PTPRN2: variants seen among roughly 807,000 people sequenced by gnomAD.
PTPRN2 encodes receptor-type tyrosine-protein phosphatase N2.
PTPRN2 carries 74 observed loss-of-function variants against 118.8 expected under a neutral mutation model. The observed-to-expected ratio is 0.62, with a 90% CI of 0.52 to 0.76. The LOEUF is 0.76. Ranked by LOEUF, PTPRN2 falls within the 30% of genes least tolerant of loss-of-function variation. The pLI is 0.00. For synonymous variants in PTPRN2, 641 were observed against 608.0 expected (o/e 1.05, Z -0.80); for missense variants, 1,481 against 1,394.4 (o/e 1.06, Z -0.99).
At chr7:157,704,206 T>C (rs532967835) in intron 12 of PTPRN2, among the ~76,000 whole-genome samples, 2 of 152,296 alleles carry the variant, frequency 1.3e-5, no homozygotes, top group East Asian at 3.9e-4. Context: ...TCAGTTTCTC[T>C]CCCTGAAAAT....
intron 11 of PTPRN2, among the ~76,000 whole-genome samples, chr7:157,922,253 G>A (rs1039031221): frequency 6.6e-6 from 1 of 152,124 alleles, no homozygotes; most frequent in South Asian, 2.1e-4. Context: ...ATCTTCATAC[G>A]GGATTTTTGG....
chr7:158,428,630 C>G (rs987953576), intron 2 of PTPRN2, among the ~76,000 whole-genome samples: 3 of 152,126 alleles, frequency 2.0e-5, no homozygotes, highest in Admixed American at 6.5e-5. Context: ...AGGTATCTGT[C>G]ACAGAGTCAC....
intron 12 of PTPRN2, among the ~76,000 whole-genome samples, chr7:157,841,252 C>T (rs1029456946): frequency 7.2e-5 from 11 of 152,340 alleles, no homozygotes; most frequent in South Asian, 6.2e-4. Flanking sequence ...GCTTCTTCAC[C>T]GCCTTCACTC....
At chr7:157,791,346 C>T (rs1804476608) in intron 12 of PTPRN2, among the ~76,000 whole-genome samples, 1 of 152,070 alleles carries the variant, frequency 6.6e-6, no homozygotes, top group African/African-American at 2.4e-5. Context: ...GAACAAAATT[C>T]AACAAGAAAT....
intron 11 of PTPRN2, among the ~76,000 whole-genome samples, chr7:158,054,164 C>T (rs748155829): frequency 8.1e-4 from 123 of 152,216 alleles, no homozygotes; most frequent in Non-Finnish European, 1.3e-3. Context: ...AAGTCACTGA[C>T]ACACAGGTTT....
At chr7:158,370,084 G>A (rs139429950) in intron 2 of PTPRN2, among the ~76,000 whole-genome samples, 1 of 152,170 alleles carries the variant, frequency 6.6e-6, no homozygotes, top group Admixed American at 6.6e-5. Context: ...CAACACTGCA[G>A]GAGAAACTGG....
intron 12 of PTPRN2, among the ~76,000 whole-genome samples, chr7:157,751,312 C>T (rs991356395): frequency 6.6e-5 from 10 of 152,162 alleles, no homozygotes; most frequent in Admixed American, 4.6e-4. Context: ...ATGGGGTCAG[C>T]GAGGGAGAGC....
intron 2 of PTPRN2, among the ~76,000 whole-genome samples, chr7:158,488,162 A>G (rs1586784671): frequency 6.6e-6 from 1 of 152,094 alleles, no homozygotes; most frequent in African/African-American, 2.4e-5. Context: ...TTCCATTATC[A>G]TCAAAAGCTG....
At chr7:158,125,456 GT>G (rs1232234755) in intron 9 of PTPRN2, among the ~76,000 whole-genome samples, 1 of 152,206 alleles carries the variant, frequency 6.6e-6, no homozygotes, top group Admixed American at 6.5e-5. Context: ...GTTTGGGAGA[GT>G]TTTTGTTTAC....
Position 157,807,241 on chromosome 7 carries a change from G to T in PTPRN2, c.1788+91432C>A, listed in dbSNP as rs369477740. Among the ~76,000 whole-genome samples the T allele has an allele frequency of 3.9e-5, 6 of 152,300 alleles. No individual in the cohort carries two copies. The East Asian group carries it at 7.7e-4, about 20-fold the overall frequency. On this transcript the variant is annotated intron_variant, in intron 12 of 22. Coordinates refer to ENST00000389418, the MANE Select transcript of PTPRN2 (RefSeq NM_002847.5). ...CTTGCAGGTGCCCAGCCCTTTCCGT[G>T]CCCTCTTGAGATGGGTTGGGGCAGA...
chr7:158,052,009 G>A (rs1283723322), intron 11 of PTPRN2, among the ~76,000 whole-genome samples: 1 of 152,214 alleles, frequency 6.6e-6, no homozygotes, highest in African/African-American at 2.4e-5. Flanking sequence ...TCTCTGAAGG[G>A]AGGCCATTGA....
chr7:158,037,666 C>T (rs1226300265), intron 11 of PTPRN2, among the ~76,000 whole-genome samples: 1 of 152,210 alleles, frequency 6.6e-6, no homozygotes, highest in East Asian at 1.9e-4. Context: ...TGTTATGTGG[C>T]AATGACTGTA....
Position 157,785,393 on chromosome 7 carries a change from C to T in PTPRN2, c.1789-102456G>A, listed in dbSNP as rs375483713. Among the ~76,000 whole-genome samples the T allele has an allele frequency of 1.3e-4, 20 of 152,282 alleles. No homozygotes were observed. The East Asian group carries it at 2.9e-3, about 22-fold the overall frequency. On this transcript the variant is annotated intron_variant, in intron 12 of 22. Coordinates refer to ENST00000389418, the MANE Select transcript of PTPRN2 (RefSeq NM_002847.5). The surrounding 1 kb of genome is among the most constrained non-coding windows in gnomAD (Gnocchi z 7.3). ...CGGTGCTCCAAAACGAAATCGCCCC[C>T]GAGGATGAAAGGGGGTGGTGGAAAA...
intron 2 of PTPRN2, among the ~76,000 whole-genome samples, chr7:158,341,342 C>G (rs1280274628): frequency 2.6e-5 from 4 of 151,536 alleles, no homozygotes; most frequent in Non-Finnish European, 5.9e-5. Context: ...CACCCACACT[C>G]TCACCATAAG....
chr7:157,829,629 C>T (rs985141736), intron 12 of PTPRN2, among the ~76,000 whole-genome samples: 29 of 152,228 alleles, frequency 1.9e-4, no homozygotes, highest in Admixed American at 1.9e-3. Flanking sequence ...GCGGAAGGCG[C>T]CACACTGTGA....
intron 11 of PTPRN2, among the ~76,000 whole-genome samples, chr7:157,905,324 G>T (rs1037887424): frequency 1.3e-5 from 2 of 152,168 alleles, no homozygotes; most frequent in African/African-American, 4.8e-5. Context: ...CAAATGCCAG[G>T]TCTGAGTTAT....
At chr7:157,636,505 T>C (rs1839392683) in intron 14 of PTPRN2, among the ~76,000 whole-genome samples, 2 of 152,224 alleles carry the variant, frequency 1.3e-5, no homozygotes, top group Admixed American at 1.3e-4. Context: ...ATTAATTCAG[T>C]CTTATAATAT....
chr7:157,812,243 G>A (rs112686011), intron 12 of PTPRN2, among the ~76,000 whole-genome samples: 3 of 152,188 alleles, frequency 2.0e-5, no homozygotes, highest in Non-Finnish European at 4.4e-5. Context: ...TCCTCCTCCC[G>A]TGCTGGGACC....
At chr7:157,918,132 G>A (rs565594734) in intron 11 of PTPRN2, among the ~76,000 whole-genome samples, 1 of 152,304 alleles carries the variant, frequency 6.6e-6, no homozygotes, top group Admixed American at 6.5e-5. Flanking sequence ...TCAGACATTA[G>A]CACGGATGCT....
Sources: gnomAD v4.1 joint callset for allele counts (sites outside exome capture counted in the v4.1 genomes callset) on GRCh38, gnomAD v4.1.1 for gene constraint, Gnocchi (gnomAD v3.1) non-coding constraint, MANE v1.5 for transcripts, NCBI Gene and HGNC (gene_info 2026-07-23, HGNC 2026-07-21) for gene names.